The following DUOX2 variants were observed in gnomAD, a reference collection of about 807,000 sequenced individuals.
The protein encoded by DUOX2 is dual oxidase 2.
A neutral mutation model predicts 183.3 loss-of-function variants in DUOX2; 185 were observed. That is an observed-to-expected ratio of 1.01 (90% CI 0.90 to 1.14). The LOEUF (loss-of-function observed/expected upper bound fraction) is 1.14. Among genes scored for constraint, DUOX2 ranks in the 50% most tolerant of loss-of-function variants. The pLI is 0.00. For missense variants in DUOX2, 1,999 were observed against 2,022.9 expected, an observed-to-expected ratio of 0.99 and a Z score of 0.23; for synonymous variants, 788 against 812.4, an observed-to-expected ratio of 0.97 and a Z score of 0.51.
chr15:45,094,337 G>A, intron 33 of DUOX2, 65 bp from the exon 34 acceptor site: 1 of 1,610,252 alleles, frequency 6.2e-7, no homozygotes, highest in Admixed American at 1.7e-5. Flanking sequence ...CTTGGGAAAA[G>A]CTGCTTCCTG....
intron 27 of DUOX2, 59 bp from the exon 28 acceptor site, chr15:45,097,800 G>T: frequency 1.2e-6 from 2 of 1,612,762 alleles, no homozygotes; most frequent in South Asian, 1.1e-5. Context: ...GGGCTGAAAA[G>T]ACAACAGCAC....
chr15:45,101,981 A>G lies in DUOX2; in HGVS notation c.2663T>C (p.Ile888Thr). ...GGACAGGCAGTTGTTGGAGATCTCG[A>G]TGAAGGATCTGGAGGAGGACCAGAG... is the stretch of plus-strand genomic sequence containing the variant. ...DEFFTMMRSF[I>T]EISNNCLSKA... Residue 888 changes from isoleucine to threonine, a missense_variant, in exon 21 of 34, where the codon ATC (isoleucine) becomes ACC (threonine). Ile to Thr is a moderately conservative substitution (Grantham distance 89). Coordinates refer to ENST00000389039, the MANE Select transcript of DUOX2 (RefSeq NM_001363711.2). The G allele has an allele frequency of 6.2e-7, 1 of 1,614,088 alleles. No homozygotes were observed. Among genetic ancestry groups the G allele is most frequent in the African/African-American group, 1.3e-5 (1 of 74,998 alleles).
intron 23 of DUOX2, 38 bp from the exon 24 acceptor site, chr15:45,100,266 G>A: frequency 6.3e-7 from 1 of 1,593,290 alleles, no homozygotes; most frequent in Non-Finnish European, 8.6e-7. Flanking sequence ...TGTGGTAAGG[G>A]CCCTCTGGCC....
chr15:45,108,506 G>T lies in DUOX2; in HGVS notation c.1398+283C>A, dbSNP rs1255597734. The T allele has an allele frequency of 5.2e-4, 313 of 598,966 alleles. 2 individuals carry two copies. The highest frequency in any genetic ancestry group is 7.9e-5 in the Non-Finnish European group (27 of 341,112). 37.1% of individuals were successfully genotyped at this position (598,966 alleles called of 1,614,324 possible). A position where few individuals can be genotyped will look rare whatever the true frequency, so the allele number is the denominator to read the frequency against. On this transcript the variant is annotated intron_variant, in intron 12 of 33. Transcript: ENST00000389039. ...GCAGCTTCAGGGGCACACAGCCCTT[G>T]GGGTGGGACCCTGCAGCAACAGGAC...
chr15:45,107,020 G>A (rs1442495149), intron 14 of DUOX2, 51 bp from the exon 15 acceptor site: 20 of 1,555,806 alleles, frequency 1.3e-5, no homozygotes, highest in East Asian at 2.4e-5. Context: ...CCGCTATGTG[G>A]CCAGACCTCT....
At chr15:45,094,444 C>T in intron 33 of DUOX2, 119 bp downstream of exon 33, 4 of 1,527,676 alleles carry the variant, frequency 2.6e-6, no homozygotes, top group Non-Finnish European at 3.6e-6. Context: ...TGACCTCATC[C>T]TGGGGCCAGG....
chr15:45,098,222 A>C (rs1893960785), intron 26 of DUOX2, among the ~76,000 whole-genome samples, 164 bp from the exon 27 acceptor site: 1 of 152,156 alleles, frequency 6.6e-6, no homozygotes, highest in Non-Finnish European at 1.5e-5. Flanking sequence ...CCAGGCTTCC[A>C]TGGTTCCACC....
Position 45,108,796 on chromosome 15 carries a change from T to C in DUOX2, c.1391A>G (p.Asp464Gly), listed in dbSNP as rs1426328096. The part of the protein sequence containing the change: ...RNWSDLNPNV[D>G]PQVLEATAAL... ...ATCATTACTATTCCTGACCTGGGGG[T>C]CCACATTAGGGTTGAGATCACTCCA... Residue 464 changes from aspartate (D) to glycine (G), a missense_variant, in exon 12 of 34, where the codon GAC (aspartate) becomes GGC (glycine). This residue lies in a region of DUOX2 where 1,628 missense variants were observed against 1,608.6 expected (regional missense o/e 1.01). Coordinates refer to ENST00000389039, the MANE Select transcript of DUOX2 (RefSeq NM_001363711.2). 1 of 1,614,144 alleles carries C rather than the reference T, an allele frequency of 6.2e-7. No individual in the cohort carries two copies. The highest frequency in any genetic ancestry group is 8.5e-7 in the Non-Finnish European group (1 of 1,180,032).
rs558837604 is a variant in DUOX2, at chr15:45,092,672, A to G, written c.*1478T>C. The G allele has an allele frequency of 2.0e-5, 3 of 152,332 alleles. No homozygotes were observed. Among genetic ancestry groups the G allele is most frequent in the Admixed American group, 6.5e-5 (1 of 15,302 alleles). 9.4% of individuals were successfully genotyped at this position (152,332 alleles called of 1,614,324 possible). ...ACATAGGTACAAGAACACTCACAGA[A>G]TTTTTATTTATAATCATTCAAAATT... On this transcript the variant is annotated 3_prime_UTR_variant, in exon 34 of 34. Transcript: ENST00000389039.
intron 22 of DUOX2, 90 bp downstream of exon 22, chr15:45,101,115 T>C (rs1894069815): frequency 8.2e-7 from 1 of 1,220,572 alleles, no homozygotes; most frequent in Non-Finnish European, 1.2e-6. Context: ...TGCCTGATTT[T>C]ACCAGGGGCT....
chr15:45,098,469 AC>A (rs1422345126), intron 26 of DUOX2, among the ~76,000 whole-genome samples: 2 of 152,230 alleles, frequency 1.3e-5, no homozygotes, highest in Admixed American at 1.3e-4. Context: ...ATCTGGGTAG[AC>A]ACATGGGACA....
In DUOX2 at chr15:45,105,766, G is replaced by A. The variant is rs780007826; in HGVS notation, c.2211C>T (p.Cys737=). The change falls in exon 18 of 34, where the codon TGC becomes TGT. Residue 737 remains cysteine (C), a synonymous_variant. Transcript: ENST00000389039. ...GAFVQQLWDF[C]VRWALGLHVA... ...CATGGAGGCCCAGAGCCCAGCGCAC[G>A]CAGAAGTCCCATAGCTGCTGCACAA... The A allele has an allele frequency of 4.3e-5, 69 of 1,614,088 alleles. No homozygotes were observed. In the South Asian group the frequency reaches 4.7e-4, roughly 11 times the overall value.
intron 27 of DUOX2, 84 bp downstream of exon 27, chr15:45,097,925 A>AAGCAGTGT: frequency 6.5e-7 from 1 of 1,529,208 alleles, no homozygotes; most frequent in Non-Finnish European, 9.1e-7. Flanking sequence ...CCCCATGGCC[A>AAGCAGTGT]GTATAGACAA....
Position 45,105,565 on chromosome 15 carries a change from ACAGGGGCGTTCTATGCAGCC to A in DUOX2, c.2334+58_2334+77del, listed in dbSNP as rs1488500929. ...CATAGAGCGGAAGCTTAGTTCACCC[ACAGGGGCGTTCTATGCAGCC>A]CAGGTTTCCTCCATTTCTGGGGCTG... On this transcript the variant is annotated intron_variant, in intron 18 of 33. Coordinates refer to ENST00000389039, the MANE Select transcript of DUOX2 (RefSeq NM_001363711.2). The A allele has an allele frequency of 7.0e-6, 11 of 1,570,160 alleles. No individual in the cohort carries two copies. The Admixed American group carries it at 1.5e-4, about 21-fold the overall frequency.
In DUOX2 at chr15:45,110,504, G is replaced by A. The variant is rs910326149; in HGVS notation, c.964C>T (p.Pro322Ser). Residue 322 changes from proline (P) to serine (S), a missense_variant, in exon 9 of 34, where the codon CCC (proline) becomes TCC (serine). Pro to Ser is a moderately conservative substitution (Grantham distance 74). Around this residue, in one of 3 missense-constraint regions of DUOX2, gnomAD observed 1,628 missense variants for 1,608.6 expected, o/e 1.01. Coordinates refer to ENST00000389039, the MANE Select transcript of DUOX2 (RefSeq NM_001363711.2). The stretch of plus-strand genomic sequence containing the variant: ...ACCACAAATTCCGGGGAGATGCTGG[G>A]GTCTAGGAAAGGACGGTATCCTGCA... ...EYTGYRPFLD[P>S]SISPEFVVAS... 6.2e-7 allele frequency: 1 copy of A among 1,614,140 alleles called. No individual in the cohort carries two copies. Among genetic ancestry groups the A allele is most frequent in the Non-Finnish European group, 8.5e-7 (1 of 1,180,024 alleles).
At chr15:45,113,205 T>G in intron 2 of DUOX2, 129 bp from the exon 3 acceptor site, 8 of 1,444,102 alleles carry the variant, frequency 5.5e-6, no homozygotes, top group Non-Finnish European at 6.7e-6. Flanking sequence ...CGGGCCGCAC[T>G]GGGAAGTTTC....
intron 11 of DUOX2, 37 bp downstream of exon 11, chr15:45,109,487 G>T: frequency 6.3e-7 from 1 of 1,597,080 alleles, no homozygotes; most frequent in Non-Finnish European, 8.6e-7. Context: ...AGGCTTCCTG[G>T]TCCCTTACCA....
In DUOX2 at chr15:45,095,165, A is replaced by G. The variant is rs1210097116; in HGVS notation, c.4240-74T>C. On this transcript the variant is annotated intron_variant, in intron 31 of 33. Coordinates refer to ENST00000389039, the MANE Select transcript of DUOX2 (RefSeq NM_001363711.2). Reference sequence around the variant, plus strand: ...TAGATCCCAGGTGCCTTCACCTGAGAGGCTGGGAAGCCCCAGACCACCTGC... The same window carrying G: ...TAGATCCCAGGTGCCTTCACCTGAGGGGCTGGGAAGCCCCAGACCACCTGC... 8.4e-6 allele frequency: 13 copies of G among 1,546,366 alleles called. No homozygotes were observed. The African/African-American group carries it at 1.6e-4, about 19-fold the overall frequency.
At position 45,111,658 on chromosome 15, in the gene DUOX2, T is replaced by C. The variant is rs973391673; in HGVS notation, c.514-73A>G. Reference sequence around the variant, plus strand: ...CCAGGGAAGGCCGGGGCCCGGCGGGTGTCCGCGGCTGGGGAGTGGGCGCCT... The same window carrying C: ...CCAGGGAAGGCCGGGGCCCGGCGGGCGTCCGCGGCTGGGGAGTGGGCGCCT... On this transcript the variant is annotated intron_variant, in intron 5 of 33. Transcript: ENST00000389039. 6 of 1,442,542 alleles carry C rather than the reference T, an allele frequency of 4.2e-6. No homozygotes were observed. The East Asian group carries it at 1.6e-4, about 39-fold the overall frequency. The allele number at this position is 1,442,542 out of a possible 1,614,324, so 89.4% of individuals were successfully genotyped here.
Sources: allele counts gnomAD v4.1 joint callset (sites outside exome capture counted in the v4.1 genomes callset), GRCh38; gene constraint gnomAD v4.1.1; regional missense constraint gnomAD v4.1.1; transcripts MANE v1.5; gene names NCBI Gene and HGNC (gene_info 2026-07-23, HGNC 2026-07-21).